ATXN2: variants seen among roughly 807,000 people sequenced by gnomAD.
ATXN2 encodes the protein ataxin-2.
In ATXN2, 37 loss-of-function variants were observed where a neutral mutation model predicts 138.6. The observed-to-expected ratio is 0.27, with a 90% confidence interval of 0.21 to 0.35. The LOEUF (loss-of-function observed/expected upper bound fraction) is 0.35, where lower values mean the gene tolerates loss of function less well. Among genes scored for constraint, ATXN2 ranks in the 10% least tolerant of loss-of-function variants. ATXN2 has a pLI of 1.00. For missense variants in ATXN2, 1,216 were observed against 1,480.3 expected, an observed-to-expected ratio of 0.82 and a Z score of 2.93; for synonymous variants, 549 against 543.7, an observed-to-expected ratio of 1.01 and a Z score of -0.13.
chr12:111,480,406 CCTCCCACCT>C (rs1877141892), intron 18 of ATXN2, among the ~76,000 whole-genome samples: 1 of 152,150 alleles, frequency 6.6e-6, no homozygotes, highest in South Asian at 2.1e-4. Flanking sequence ...CTCAAGTGAT[CCTCCCACCT>C]CAGCCTCTCA....
At chr12:111,585,518 A>G (rs561822728) in intron 1 of ATXN2, among the ~76,000 whole-genome samples, 20 of 145,994 alleles carry the variant, frequency 1.4e-4, no homozygotes, top group African/African-American at 5.2e-4. Flanking sequence ...ATGTCAAAAA[A>G]AAAAAGCCAG....
intron 18 of ATXN2, among the ~76,000 whole-genome samples, chr12:111,478,274 C>T (rs775409954): frequency 6.6e-6 from 1 of 151,886 alleles, no homozygotes; most frequent in African/African-American, 2.4e-5. Context: ...GGCATGGTGG[C>T]GCATGCCTGT....
At chr12:111,563,049 T>A (rs1446965041) in intron 1 of ATXN2, among the ~76,000 whole-genome samples, 1 of 152,148 alleles carries the variant, frequency 6.6e-6, no homozygotes, top group African/African-American at 2.4e-5. Flanking sequence ...AACACACAAA[T>A]CATTTCTGTT....
In ATXN2 at chr12:111,508,089, T is replaced by TC. The variant is rs745611412; in HGVS notation, c.1935+1459dup. Among the ~76,000 whole-genome samples, 238 of 151,458 alleles carry TC rather than the reference T, an allele frequency of 1.6e-3. 1 individual carries two copies. The highest frequency in any genetic ancestry group is 2.7e-3 in the Non-Finnish European group (182 of 67,942). On this transcript the variant is annotated intron_variant, in intron 14 of 24. Coordinates refer to ENST00000673436, the MANE Select transcript of ATXN2 (RefSeq NM_001372574.1). ...TTGTTCACTTTTTATCTGCTGACCT[T>TC]CCCTCCACTATTGTCCTATGACCCT...
rs775869112 is a variant in ATXN2, at chr12:111,486,769, A to G, written c.2296T>C (p.Phe766Leu). The change falls in exon 16 of 25, where the codon TTC becomes CTC. Residue 766 changes from phenylalanine (F) to leucine (L), a missense_variant. Transcript: ENST00000673436. ...PNAKEFNPRS[F>L]SQPKPSTTPT... ...GAAAGTAATAAACCTACCTGAGAGA[A>G]GGAACGTGGGTTGAACTCCTTTGCA... 1.9e-6 allele frequency: 3 copies of G among 1,611,610 alleles called. No homozygotes were observed. Among genetic ancestry groups the G allele is most frequent in the South Asian group, 2.2e-5 (2 of 90,902 alleles).
chr12:111,582,994 T>G (rs1456177051), intron 1 of ATXN2, among the ~76,000 whole-genome samples: 8 of 5,168 alleles, frequency 1.5e-3, no homozygotes, highest in African/African-American at 4.9e-3. Flanking sequence ...TTTTTGTTTG[T>G]TTTTTTTTTT....
intron 14 of ATXN2, among the ~76,000 whole-genome samples, chr12:111,500,903 A>T (rs935540148): frequency 7.9e-5 from 12 of 152,308 alleles, no homozygotes; most frequent in Non-Finnish European, 1.6e-4. Flanking sequence ...TTTAAAATTT[A>T]AAAAGTTAAA....
intron 18 of ATXN2, among the ~76,000 whole-genome samples, chr12:111,473,584 TG>T (rs1876574589): frequency 6.6e-6 from 1 of 152,082 alleles, no homozygotes; most frequent in Non-Finnish European, 1.5e-5. Flanking sequence ...TAACTGATCT[TG>T]GGCTAGACAA....
In ATXN2 at chr12:111,599,087, G is replaced by A. The variant is rs1056953317; in HGVS notation, c.-53C>T. On this transcript the variant is annotated 5_prime_UTR_variant, in exon 1 of 25. Coordinates refer to ENST00000673436, the MANE Select transcript of ATXN2 (RefSeq NM_001372574.1). Reference sequence around the variant, plus strand: ...CGCCGGGCGGGGACAGCCGGGAGCCGGGCGCGCCAAGGAGACGCCGGAACG... The same window carrying A: ...CGCCGGGCGGGGACAGCCGGGAGCCAGGCGCGCCAAGGAGACGCCGGAACG... The A allele has an allele frequency of 5.8e-6, 8 of 1,372,372 alleles. No homozygotes were observed. In the East Asian group the frequency reaches 1.3e-4, roughly 21 times the overall value. 85.0% of individuals were successfully genotyped at this position (1,372,372 alleles called of 1,614,324 possible).
chr12:111,539,347 A>G (rs1383613486), intron 5 of ATXN2, among the ~76,000 whole-genome samples: 1 of 149,942 alleles, frequency 6.7e-6, no homozygotes, highest in African/African-American at 2.4e-5. Flanking sequence ...CTAAAAAGAG[A>G]GTGAAAGAGA....
chr12:111,533,528 TCAGA>T (rs1880964321), intron 5 of ATXN2, among the ~76,000 whole-genome samples: 1 of 146,242 alleles, frequency 6.8e-6, no homozygotes, highest in Non-Finnish European at 1.5e-5. Flanking sequence ...TTTTTTCTTT[TCAGA>T]CAGTTTTTTT....
rs1402060854 is a variant in ATXN2, at chr12:111,598,186, C to A, written c.251+598G>T. On this transcript the variant is annotated intron_variant, in intron 1 of 24. Transcript: ENST00000673436. This position sits in a 1 kb window ranked among gnomAD's most constrained non-coding sequence, Gnocchi z 4.5. Reference sequence around the variant, plus strand: ...GGGGCCAAGGCCCACTTGTCTCCACCCCGTCCTCCGATCTTTCCCAGGACT... The same window carrying A: ...GGGGCCAAGGCCCACTTGTCTCCACACCGTCCTCCGATCTTTCCCAGGACT... 1.0e-5 allele frequency: 11 copies of A among 1,060,654 alleles called. No individual in the cohort carries two copies. Among genetic ancestry groups the A allele is most frequent in the African/African-American group, 5.0e-5 (3 of 59,744 alleles). 65.7% of individuals were successfully genotyped at this position (1,060,654 alleles called of 1,614,324 possible). A position where few individuals can be genotyped will look rare whatever the true frequency, so the allele number is the denominator to read the frequency against.
intron 1 of ATXN2, among the ~76,000 whole-genome samples, chr12:111,588,293 C>A (rs1178008143): frequency 6.6e-6 from 1 of 152,116 alleles, no homozygotes; most frequent in Non-Finnish European, 1.5e-5. Flanking sequence ...ATGTAAGAAT[C>A]TTTAAATGTT....
At chr12:111,590,252 A>G (rs1483292715) in intron 1 of ATXN2, among the ~76,000 whole-genome samples, 1 of 152,058 alleles carries the variant, frequency 6.6e-6, no homozygotes. Flanking sequence ...ATTTATGTAG[A>G]TTTCACACCA....
At chr12:111,562,206 G>A (rs757714565) in intron 1 of ATXN2, among the ~76,000 whole-genome samples, 24 of 151,926 alleles carry the variant, frequency 1.6e-4, no homozygotes, top group Non-Finnish European at 2.9e-4. Context: ...GGCTGAGGCA[G>A]AAGGACCACT....
intron 20 of ATXN2, among the ~76,000 whole-genome samples, chr12:111,466,728 C>T (rs376600989): frequency 6.6e-6 from 1 of 152,192 alleles, no homozygotes; most frequent in African/African-American, 2.4e-5. Flanking sequence ...ATGCCTTTGG[C>T]TATGGCTATA....
chr12:111,513,259 C>T (rs1299844874), intron 11 of ATXN2, 98 bp downstream of exon 11: 3 of 1,361,202 alleles, frequency 2.2e-6, no homozygotes, highest in Non-Finnish European at 3.0e-6. Flanking sequence ...TTAACATATA[C>T]ATACTTACAC....
At chr12:111,546,685 A>T (rs1325382617) in intron 5 of ATXN2, among the ~76,000 whole-genome samples, 1 of 152,158 alleles carries the variant, frequency 6.6e-6, no homozygotes, top group Admixed American at 6.5e-5. Context: ...AATACTGGAA[A>T]TGGATGGAAA....
chr12:111,518,423 T>C lies in ATXN2; in HGVS notation c.991A>G (p.Asn331Asp). Residue 331 changes from asparagine (N) to aspartate (D), a missense_variant, in exon 9 of 25, where the codon AAT becomes GAT. Asn to Asp is a conservative substitution (Grantham distance 23, BLOSUM62 1). This residue lies in a region of ATXN2 where 401 missense variants were observed against 528.1 expected (regional missense o/e 0.76). Coordinates refer to ENST00000673436, the MANE Select transcript of ATXN2 (RefSeq NM_001372574.1). ...CTTTGTCCAGGAGGAATATATTTATTTTCCCTGAAAATGAGAGATCCTCTA... is the reference window on the plus strand; with the variant it reads ...CTTTGTCCAGGAGGAATATATTTATCTTCCCTGAAAATGAGAGATCCTCTA... Reference protein sequence around the residue: ...REGHSINTRENKYIPPGQRNR... With the variant: ...REGHSINTREDKYIPPGQRNR... 6.3e-7 allele frequency: 1 copy of C among 1,596,110 alleles called. No homozygotes were observed. Among genetic ancestry groups the C allele is most frequent in the East Asian group, 2.2e-5 (1 of 44,640 alleles).
Sources: allele counts gnomAD v4.1 joint callset (sites outside exome capture counted in the v4.1 genomes callset), GRCh38; gene constraint gnomAD v4.1.1; regional missense constraint gnomAD v4.1.1; non-coding constraint Gnocchi (gnomAD v3.1); transcripts MANE v1.5; gene names NCBI Gene and HGNC (gene_info 2026-07-23, HGNC 2026-07-21).